PDE4D: variants seen among roughly 807,000 people sequenced by gnomAD.
PDE4D encodes the protein 3',5'-cyclic-AMP phosphodiesterase 4D.
PDE4D carries 24 observed loss-of-function variants against 87.4 expected under a neutral mutation model. The ratio of observed to expected loss-of-function variants is 0.27; its 90% CI spans 0.20 to 0.39. The LOEUF (loss-of-function observed/expected upper bound fraction) is 0.39. Among genes scored for constraint, PDE4D ranks in the 10% least tolerant of loss-of-function variants. PDE4D has a pLI of 1.00. For synonymous variants in PDE4D, 384 were observed against 383.2 expected, an observed-to-expected ratio of 1.00 and a Z score of -0.02; for missense variants, 714 against 1,041.0, an observed-to-expected ratio of 0.69 and a Z score of 4.32.
intron 1 of PDE4D, among the ~76,000 whole-genome samples, chr5:59,476,864 A>T (rs1803363553): frequency 6.6e-6 from 1 of 152,092 alleles, no homozygotes. Flanking sequence ...CAAAATTTTG[A>T]AACATTGCTT....
chr5:59,501,108 A>G (rs1808219920), intron 1 of PDE4D, among the ~76,000 whole-genome samples: 1 of 152,184 alleles, frequency 6.6e-6, no homozygotes, highest in Non-Finnish European at 1.5e-5. Flanking sequence ...TATTCTTTTT[A>G]ACAATAACAA....
chr5:59,798,254 CTGTGTGTGTGTGTGTGTGTG>C (rs72009917), intron 1 of PDE4D, among the ~76,000 whole-genome samples: 3 of 143,850 alleles, frequency 2.1e-5, no homozygotes, highest in Non-Finnish European at 4.6e-5. Context: ...ATATAAATGC[CTGTGTGTGTGTGTGTGTGTG>C]TGTGTGTGTG....
At chr5:60,507,329 C>T (rs1428629026) in intron 1 of PDE4D, among the ~76,000 whole-genome samples, 1 of 152,184 alleles carries the variant, frequency 6.6e-6, no homozygotes, top group Non-Finnish European at 1.5e-5. Flanking sequence ...CCTGCCTCAG[C>T]CTTCCAAAGT....
chr5:59,275,282 G>A, intron 1 of PDE4D: 1 of 1,330,116 alleles, frequency 7.5e-7, no homozygotes, highest in East Asian at 2.3e-5. Flanking sequence ...AATACTCAAG[G>A]AGTACGTCAA....
At chr5:59,499,167 C>A (rs1300924497) in intron 1 of PDE4D, among the ~76,000 whole-genome samples, 3 of 151,674 alleles carry the variant, frequency 2.0e-5, no homozygotes, top group African/African-American at 7.3e-5. Flanking sequence ...TTCTGAATGA[C>A]TCTAAAATAA....
At chr5:60,134,419 C>G (rs796911130) in intron 2 of PDE4D, among the ~76,000 whole-genome samples, 2 of 152,138 alleles carry the variant, frequency 1.3e-5, no homozygotes, top group African/African-American at 4.8e-5. Context: ...ACAGGAGGAT[C>G]GCTTGAGACT....
At chr5:60,211,583 T>C (rs1583088402) in intron 1 of PDE4D, among the ~76,000 whole-genome samples, 1 of 150,256 alleles carries the variant, frequency 6.7e-6, no homozygotes, top group South Asian at 2.1e-4. Flanking sequence ...GTTTTATTTG[T>C]ATATTTTTAT....
At chr5:60,435,372 AT>A (rs1184510077) in intron 1 of PDE4D, among the ~76,000 whole-genome samples, 1 of 152,072 alleles carries the variant, frequency 6.6e-6, no homozygotes, top group African/African-American at 2.4e-5. Flanking sequence ...TATAACTTAA[AT>A]GTTTAAATTT....
intron 1 of PDE4D, chr5:59,768,511 T>C (rs767191485): frequency 6.3e-7 from 1 of 1,598,076 alleles, no homozygotes; most frequent in African/African-American, 1.3e-5. Flanking sequence ...CTGAGCCATT[T>C]TCCTGGTCAA....
At chr5:59,607,081 C>CTGACGTTCTGCTTA (rs543809159) in intron 1 of PDE4D, among the ~76,000 whole-genome samples, 463 of 152,212 alleles carry the variant, frequency 3.0e-3, no homozygotes, top group African/African-American at 0.01. Flanking sequence ...AGGCACTTTA[C>CTGACGTTCTGCTTA]TGACGTTCTG....
chr5:60,272,583 G>T (rs1480270398), intron 1 of PDE4D, among the ~76,000 whole-genome samples: 1 of 152,150 alleles, frequency 6.6e-6, no homozygotes, highest in Non-Finnish European at 1.5e-5. Context: ...CCAACCTAGT[G>T]CTGATTAGGT....
chr5:59,089,170 T>A (rs1768244698), intron 5 of PDE4D, among the ~76,000 whole-genome samples: 6 of 151,912 alleles, frequency 3.9e-5, no homozygotes, highest in Admixed American at 2.6e-4. Context: ...AATTTATACA[T>A]TTTTGTTGTT....
intron 1 of PDE4D, among the ~76,000 whole-genome samples, chr5:59,301,225 AAGG>A (rs1439364987): frequency 2.0e-5 from 3 of 152,074 alleles, no homozygotes; most frequent in Non-Finnish European, 4.4e-5. Flanking sequence ...GAAAGGAGAG[AAGG>A]AGAAGGTCAG....
intron 1 of PDE4D, among the ~76,000 whole-genome samples, chr5:60,458,593 A>G (rs1746672711): frequency 1.3e-5 from 2 of 152,094 alleles, no homozygotes; most frequent in Non-Finnish European, 2.9e-5. Flanking sequence ...AAGAGAATTA[A>G]AATATATCTG....
chr5:59,933,419 A>T (rs1298723856), intron 3 of PDE4D, among the ~76,000 whole-genome samples: 1 of 152,174 alleles, frequency 6.6e-6, no homozygotes, highest in African/African-American at 2.4e-5. Context: ...CTACAGTGAA[A>T]CACTATACTC....
At chr5:59,007,396 G>C (rs1751840311) in intron 6 of PDE4D, among the ~76,000 whole-genome samples, 1 of 152,114 alleles carries the variant, frequency 6.6e-6, no homozygotes, top group Admixed American at 6.6e-5. Flanking sequence ...GAAGAATTCT[G>C]AGGCAAAGTT....
At chr5:60,291,000 C>G (rs1005989659) in intron 1 of PDE4D, among the ~76,000 whole-genome samples, 1 of 152,082 alleles carries the variant, frequency 6.6e-6, no homozygotes, top group African/African-American at 2.4e-5. Flanking sequence ...TTCTAAAGAA[C>G]GAAATGTTCT....
intron 1 of PDE4D, among the ~76,000 whole-genome samples, chr5:59,727,637 C>T (rs1756796011): frequency 6.6e-6 from 1 of 152,040 alleles, no homozygotes; most frequent in Non-Finnish European, 1.5e-5. Flanking sequence ...AGCATGGTTT[C>T]TGGAGTCCAA....
At chr5:59,881,742 A>G (rs957086328) in intron 1 of PDE4D, among the ~76,000 whole-genome samples, 3 of 152,210 alleles carry the variant, frequency 2.0e-5, no homozygotes, top group Admixed American at 1.3e-4. Context: ...ATAGGAGTTT[A>G]TAGTTTGGTG....
Sources: allele counts gnomAD v4.1 joint callset (sites outside exome capture counted in the v4.1 genomes callset), GRCh38; gene constraint gnomAD v4.1.1; transcripts MANE v1.5; gene names NCBI Gene and HGNC (gene_info 2026-07-23, HGNC 2026-07-21).